The following DENND4C variants were observed in gnomAD, a reference collection of about 807,000 sequenced individuals.
DENND4C encodes the protein DENN domain containing 4C, also known as DENN domain-containing protein 4C.
DENND4C carries 108 observed loss-of-function variants against 203.0 expected under a neutral mutation model. The ratio of observed to expected loss-of-function variants is 0.53; its 90% CI spans 0.46 to 0.62. DENND4C has a LOEUF of 0.62. DENND4C is among the 20% of genes least tolerant of loss of function. The probability of loss-of-function intolerance (pLI) is 0.00; values close to 1 mark genes in which losing one functional copy is unlikely to be tolerated. For synonymous variants in DENND4C, 871 were observed against 792.4 expected (o/e 1.10, Z -1.67); for missense variants, 2,481 against 2,301.2 (o/e 1.08, Z -1.60).
chr9:19,328,687 C>G (rs1818412716), intron 16 of DENND4C, among the ~76,000 whole-genome samples: 2 of 151,770 alleles, frequency 1.3e-5, no homozygotes, highest in Admixed American at 6.6e-5. Context: ...ATCTATCTAT[C>G]TATCTATCTG....
intron 1 of DENND4C, among the ~76,000 whole-genome samples, chr9:19,234,667 A>G (rs770986539): frequency 2.0e-5 from 3 of 151,114 alleles, no homozygotes; most frequent in Non-Finnish European, 2.9e-5. Flanking sequence ...AGCTGGGACT[A>G]TAGGTGCGCG....
intron 9 of DENND4C, among the ~76,000 whole-genome samples, chr9:19,303,230 G>C (rs10964089): frequency 0.22 from 33,149 of 151,964 alleles, 4,412 homozygotes; most frequent in Non-Finnish European, 0.31. Context: ...GGATTTTGCA[G>C]CACTTTGGAT....
intron 2 of DENND4C, among the ~76,000 whole-genome samples, chr9:19,282,797 A>G (rs1440796895): frequency 2.2e-5 from 3 of 136,480 alleles, no homozygotes; most frequent in African/African-American, 8.4e-5. Context: ...GCTCACTACA[A>G]TCTCTGCTTC....
chr9:19,354,909 G>C (rs13297049), intron 26 of DENND4C, among the ~76,000 whole-genome samples: 20,604 of 145,222 alleles, frequency 0.14, 2,082 homozygotes, highest in African/African-American at 0.28. Context: ...TTCTTTTTTG[G>C]CTGTTTGTTT....
At chr9:19,313,939 A>G (rs1380559361) in intron 10 of DENND4C, among the ~76,000 whole-genome samples, 1 of 152,180 alleles carries the variant, frequency 6.6e-6, no homozygotes, top group African/African-American at 2.4e-5. Flanking sequence ...GTGATTAGCT[A>G]GGTATGGTGG....
chr9:19,334,959 A>ATTT lies in DENND4C; in HGVS notation c.2461-8_2461-6dup. ...ATTAGTATACTAATTACTGACACTG[A>ATTT]TTTTTTTTTTTTGTTAGGTGTGCTA... is the stretch of plus-strand genomic sequence containing the variant. On this transcript the variant is annotated splice_polypyrimidine_tract_variant and intron_variant, in intron 17 of 32. Transcript: ENST00000434457. 16 of 1,206,434 alleles carry ATTT rather than the reference A, an allele frequency of 1.3e-5. No individual in the cohort carries two copies. Among genetic ancestry groups the ATTT allele is most frequent in the Admixed American group, 4.7e-5 (2 of 42,316 alleles). 74.7% of individuals were successfully genotyped at this position (1,206,434 alleles called of 1,614,324 possible).
intron 1 of DENND4C, among the ~76,000 whole-genome samples, chr9:19,273,837 C>T (rs969713725): frequency 3.3e-5 from 5 of 152,116 alleles, no homozygotes; most frequent in African/African-American, 1.2e-4. Context: ...AAATGGTACA[C>T]TCCCTTTAGA....
At chr9:19,272,884 C>T (rs1832029252) in intron 1 of DENND4C, among the ~76,000 whole-genome samples, 1 of 151,376 alleles carries the variant, frequency 6.6e-6, no homozygotes, top group African/African-American at 2.4e-5. Flanking sequence ...TCTCCTGTCT[C>T]AGCCTCCTGA....
chr9:19,273,635 C>T (rs1832239914), intron 1 of DENND4C, among the ~76,000 whole-genome samples: 1 of 151,858 alleles, frequency 6.6e-6, no homozygotes, highest in Non-Finnish European at 1.5e-5. Context: ...ACAGAAATTT[C>T]CCCAAAGAAG....
chr9:19,256,490 A>G (rs1296511845), intron 1 of DENND4C, among the ~76,000 whole-genome samples: 1 of 150,822 alleles, frequency 6.6e-6, no homozygotes, highest in African/African-American at 2.4e-5. Flanking sequence ...CTAATTTTGT[A>G]CTTTTAGAAG....
chr9:19,342,745 T>A lies in DENND4C; in HGVS notation c.3117T>A (p.Gly1039=). The A allele has an allele frequency of 6.2e-7, 1 of 1,610,008 alleles. No homozygotes were observed. Among genetic ancestry groups the A allele is most frequent in the East Asian group, 2.2e-5 (1 of 44,710 alleles). Residue 1039 remains glycine, a synonymous_variant, in exon 22 of 33, where the codon GGT becomes GGA. Transcript: ENST00000434457. ...WGSSIVKVPS[G]IFDVNSRKSS... is the part of the protein sequence containing the mutation. ...GCAGTATTGTGAAAGTTCCGTCTGG[T>A]ATATTTGATGTCAACAGCAGGAAAA...
At chr9:19,305,285 C>G in intron 9 of DENND4C, 67 bp from the exon 10 acceptor site, 6 of 1,378,506 alleles carry the variant, frequency 4.4e-6, no homozygotes, top group Admixed American at 4.0e-5. Context: ...TTCAGTAATA[C>G]TAGTTACTTA....
rs1488439850 is a variant in DENND4C at position 19,352,676 on chromosome 9, T to A, written c.4781+11T>A. On this transcript the variant is annotated intron_variant, in intron 26 of 32. Coordinates refer to ENST00000434457, the MANE Select transcript of DENND4C (RefSeq NM_001330640.2). Reference sequence around the variant, plus strand: ...GAGAGGTTCTGCAAGGTTAGTCTTATAAAAGCTCTCTCAAGAAGTAAGTAC... The same window carrying A: ...GAGAGGTTCTGCAAGGTTAGTCTTAAAAAAGCTCTCTCAAGAAGTAAGTAC... 3 of 1,559,478 alleles carry A rather than the reference T, an allele frequency of 1.9e-6. No individual in the cohort carries two copies. The highest frequency in any genetic ancestry group is 2.6e-6 in the Non-Finnish European group (3 of 1,148,782).
intron 1 of DENND4C, among the ~76,000 whole-genome samples, chr9:19,250,359 G>C (rs988740143): frequency 2.0e-4 from 31 of 152,108 alleles, no homozygotes; most frequent in Non-Finnish European, 4.4e-4. Flanking sequence ...CAGGAGAATT[G>C]CTTGAACCCA....
intron 30 of DENND4C, among the ~76,000 whole-genome samples, chr9:19,368,171 A>G (rs1384804040): frequency 6.6e-6 from 1 of 152,148 alleles, no homozygotes; most frequent in Non-Finnish European, 1.5e-5. Context: ...AACACTATTC[A>G]AAGTCTATCA....
chr9:19,347,536 A>T (rs575755360), intron 23 of DENND4C, among the ~76,000 whole-genome samples: 21 of 152,322 alleles, frequency 1.4e-4, no homozygotes, highest in African/African-American at 4.8e-4. Context: ...ATGTTTGTAT[A>T]TCTTTTTAAA....
intron 30 of DENND4C, among the ~76,000 whole-genome samples, chr9:19,366,353 G>C (rs1170505606): frequency 6.6e-6 from 1 of 152,210 alleles, no homozygotes; most frequent in African/African-American, 2.4e-5. Context: ...TGTAATCCCA[G>C]CACTTTGGGA....
At chr9:19,236,521 G>A (rs1157712959) in intron 1 of DENND4C, among the ~76,000 whole-genome samples, 3 of 152,176 alleles carry the variant, frequency 2.0e-5, no homozygotes, top group Non-Finnish European at 4.4e-5. Flanking sequence ...AAGAAATTAA[G>A]ACTATATTGT....
intron 1 of DENND4C, among the ~76,000 whole-genome samples, chr9:19,258,509 G>A (rs957628644): frequency 2.6e-5 from 4 of 152,162 alleles, no homozygotes; most frequent in African/African-American, 9.7e-5. Context: ...CCCAAGTGGG[G>A]TTTATGCCAG....
Sources: gnomAD v4.1 joint callset for allele counts (sites outside exome capture counted in the v4.1 genomes callset) on GRCh38, gnomAD v4.1.1 for gene constraint, MANE v1.5 for transcripts, NCBI Gene and HGNC (gene_info 2026-07-23, HGNC 2026-07-21) for gene names.